UBA2: variants seen among roughly 807,000 people sequenced by gnomAD.
UBA2 encodes the protein ubiquitin like modifier activating enzyme 2.
UBA2 carries 11 observed loss-of-function variants against 77.2 expected under a neutral mutation model. The ratio of observed to expected loss-of-function variants is 0.14; its 90% confidence interval spans 0.09 to 0.24. UBA2 has a LOEUF of 0.24. Among genes scored for constraint, UBA2 ranks in the 10% least tolerant of loss-of-function variants. The pLI, the probability that UBA2 is intolerant of heterozygous loss-of-function variation, is 1.00. For synonymous variants in UBA2, 278 were observed against 276.7 expected (o/e 1.00, Z -0.05); for missense variants, 487 against 781.7 (o/e 0.62, Z 4.50).
chr19:34,446,173 C>CT (rs1193043875), intron 8 of UBA2, among the ~76,000 whole-genome samples: 7 of 152,112 alleles, frequency 4.6e-5, no homozygotes, highest in African/African-American at 1.7e-4. Flanking sequence ...ACCACTGAGC[C>CT]TAGCCCCTAG....
At chr19:34,432,810 C>T (rs1353933729) in intron 3 of UBA2, among the ~76,000 whole-genome samples, 6 of 152,254 alleles carry the variant, frequency 3.9e-5, no homozygotes, top group Non-Finnish European at 7.3e-5. Flanking sequence ...CCGCCTTGGC[C>T]TCCCAAAGTG....
At chr19:34,431,803 G>T in intron 2 of UBA2, 58 bp from the exon 3 acceptor site, 1 of 1,480,952 alleles carries the variant, frequency 6.8e-7, no homozygotes, top group Non-Finnish European at 9.4e-7. Context: ...GCTTCCAGAA[G>T]CAGATTTCAG....
chr19:34,463,820 C>A (rs2075658693), intron 14 of UBA2, among the ~76,000 whole-genome samples: 1 of 119,866 alleles, frequency 8.3e-6, no homozygotes, highest in Non-Finnish European at 1.7e-5. Flanking sequence ...ACCCTACTTG[C>A]CCCATTTAAA....
At chr19:34,446,789 T>C (rs1489581953) in intron 8 of UBA2, among the ~76,000 whole-genome samples, 2 of 152,126 alleles carry the variant, frequency 1.3e-5, no homozygotes, top group African/African-American at 4.8e-5. Context: ...GTATTTTTAG[T>C]AGATAGGGGG....
Position 34,433,347 on chromosome 19 carries a change from G to T in UBA2, c.294-1G>T. 6.2e-7 allele frequency: 1 copy of T among 1,609,538 alleles called. No homozygotes were observed. ...TGACCTTTTTTTATTTTGTTTTGTA[G>T]CCCTGACTATAATGTGGAATTTTTC... On this transcript the variant is annotated splice_acceptor_variant, in intron 3 of 16. Transcript: ENST00000246548. LOFTEE classifies it high-confidence loss of function.
intron 5 of UBA2, among the ~76,000 whole-genome samples, chr19:34,438,234 A>C (rs944304933): frequency 1.3e-5 from 2 of 151,938 alleles, no homozygotes; most frequent in African/African-American, 4.8e-5. Context: ...AAAAAAAAAA[A>C]AACACATATA....
chr19:34,463,822 C>G (rs1332479809), intron 14 of UBA2, among the ~76,000 whole-genome samples: 1 of 152,072 alleles, frequency 6.6e-6, no homozygotes, highest in Non-Finnish European at 1.5e-5. Context: ...CCTACTTGCC[C>G]CATTTAAATT....
At chr19:34,450,388 G>C (rs769962528) in intron 9 of UBA2, 24 bp downstream of exon 9, 4 of 1,510,546 alleles carry the variant, frequency 2.6e-6, no homozygotes, top group Non-Finnish European at 3.6e-6. Context: ...TTTAGTCTTG[G>C]AACACCTAAG....
chr19:34,465,503 G>A (rs1269363251), intron 15 of UBA2, among the ~76,000 whole-genome samples: 2 of 152,078 alleles, frequency 1.3e-5, no homozygotes, highest in Non-Finnish European at 2.9e-5. Context: ...TGGGTGTGGT[G>A]GCATGTGCCT....
chr19:34,449,378 C>CT (rs1160610792), intron 8 of UBA2, among the ~76,000 whole-genome samples: 2 of 152,076 alleles, frequency 1.3e-5, no homozygotes, highest in Non-Finnish European at 2.9e-5. Flanking sequence ...GAAATCCTTA[C>CT]TCAAGGCTTT....
chr19:34,466,746 A>C (rs2075692229), intron 15 of UBA2, 132 bp from the exon 16 acceptor site: 1 of 684,198 alleles, frequency 1.5e-6, no homozygotes, highest in Admixed American at 3.4e-5. Flanking sequence ...TTTTAAATAA[A>C]AATTAAAAAA....
chr19:34,444,652 T>TA (rs1258549767), intron 7 of UBA2, among the ~76,000 whole-genome samples: 1 of 152,052 alleles, frequency 6.6e-6, no homozygotes, highest in East Asian at 1.9e-4. Flanking sequence ...ACAAAAAATA[T>TA]AAAAATTAGC....
intron 8 of UBA2, among the ~76,000 whole-genome samples, chr19:34,447,688 A>C (rs2075446840): frequency 6.6e-6 from 1 of 152,250 alleles, no homozygotes; most frequent in African/African-American, 2.4e-5. Flanking sequence ...ATGAGAAGTC[A>C]AACTTTGAAC....
At position 34,469,673 on chromosome 19, in the gene UBA2, C is replaced by T. The variant is rs1394352649; in HGVS notation, c.*452C>T. The T allele has an allele frequency of 1.3e-5, 2 of 152,628 alleles. No individual in the cohort carries two copies. The highest frequency in any genetic ancestry group is 2.9e-5 in the Non-Finnish European group (2 of 68,076). 9.5% of individuals were successfully genotyped at this position (152,628 alleles called of 1,614,324 possible). A position where few individuals can be genotyped will look rare whatever the true frequency, so the allele number is the denominator to read the frequency against. ...ATTCAAAGAAGTATCGAGTGCTATGCATTGAAACTTGTTTTTAAATGTTAG... is the reference window on the plus strand; with the variant it reads ...ATTCAAAGAAGTATCGAGTGCTATGTATTGAAACTTGTTTTTAAATGTTAG... On this transcript the variant is annotated 3_prime_UTR_variant, in exon 17 of 17. Coordinates refer to ENST00000246548, the MANE Select transcript of UBA2 (RefSeq NM_005499.3).
intron 1 of UBA2, 106 bp downstream of exon 1, chr19:34,428,676 G>T (rs967645164): frequency 2.5e-6 from 3 of 1,219,892 alleles, no homozygotes; most frequent in Admixed American, 4.2e-5. Context: ...CGGAGCCCGG[G>T]ACCGGAGTTG....
chr19:34,453,399 A>C (rs535720884), intron 10 of UBA2, among the ~76,000 whole-genome samples: 1 of 151,698 alleles, frequency 6.6e-6, no homozygotes, highest in Non-Finnish European at 1.5e-5. Context: ...AAAAACTTGG[A>C]TTGTATTGCC....
chr19:34,466,769 C>T, intron 15 of UBA2, 109 bp from the exon 16 acceptor site: 2 of 769,232 alleles, frequency 2.6e-6, no homozygotes, highest in Non-Finnish European at 3.9e-6. Flanking sequence ...AATTAGAATC[C>T]ACATATTTGG....
intron 15 of UBA2, among the ~76,000 whole-genome samples, chr19:34,466,275 G>T (rs2075686915): frequency 6.6e-6 from 1 of 152,132 alleles, no homozygotes; most frequent in Non-Finnish European, 1.5e-5. Flanking sequence ...GGTAGAGGTT[G>T]CAGTGAACCG....
chr19:34,442,467 T>C (rs1205427048), intron 6 of UBA2, among the ~76,000 whole-genome samples: 1 of 152,188 alleles, frequency 6.6e-6, no homozygotes, highest in Non-Finnish European at 1.5e-5. Context: ...TTTTTTGAGA[T>C]GGAGTTTCGC....
Sources: allele counts gnomAD v4.1 joint callset (sites outside exome capture counted in the v4.1 genomes callset), GRCh38; gene constraint gnomAD v4.1.1; transcripts MANE v1.5; gene names NCBI Gene and HGNC (gene_info 2026-07-23, HGNC 2026-07-21).